NR3C1: variants seen among roughly 807,000 people sequenced by gnomAD.
The protein encoded by NR3C1 is glucocorticoid receptor.
A neutral mutation model predicts 74.0 loss-of-function variants in NR3C1; 14 were observed. The ratio of observed to expected loss-of-function variants is 0.19; its 90% confidence interval spans 0.12 to 0.30. NR3C1 has a LOEUF of 0.30. Among genes scored for constraint, NR3C1 ranks in the 10% least tolerant of loss-of-function variants. The probability of loss-of-function intolerance (pLI) is 1.00; values close to 1 mark genes in which losing one functional copy is unlikely to be tolerated. For synonymous variants in NR3C1, 308 were observed against 332.5 expected (o/e 0.93, Z 0.80); for missense variants, 695 against 909.8 (o/e 0.76, Z 3.04).
chr5:143,351,808 T>A (rs1413079801), intron 2 of NR3C1, among the ~76,000 whole-genome samples: 2 of 152,190 alleles, frequency 1.3e-5, no homozygotes, highest in African/African-American at 2.4e-5. Context: ...ATCCGATGGT[T>A]CCTAATTGAA....
rs963186050 is a variant in NR3C1 at position 143,292,313 on chromosome 5, G to T, written c.2023+3147C>A. ...TTATATGGTGGTAAGGTGTTGGGGA[G>T]GGGGAGGGGAATTGTTTTTTAATCT... On this transcript the variant is annotated intron_variant, in intron 7 of 8. Transcript: ENST00000394464. Among the ~76,000 whole-genome samples, 5 of 152,202 alleles carry T rather than the reference G, an allele frequency of 3.3e-5. No homozygotes were observed. The East Asian group carries it at 9.7e-4, about 29-fold the overall frequency.
At chr5:143,384,899 T>C (rs1347943915) in intron 2 of NR3C1, among the ~76,000 whole-genome samples, 1 of 152,218 alleles carries the variant, frequency 6.6e-6, no homozygotes, top group African/African-American at 2.4e-5. Flanking sequence ...GTGGGGGCTC[T>C]AACCCCATGT....
intron 1 of NR3C1, among the ~76,000 whole-genome samples, chr5:143,425,197 G>T (rs1340117492): frequency 6.6e-6 from 1 of 152,022 alleles, no homozygotes. Context: ...ACATGCAAAA[G>T]AATATTTAAA....
exon 1 of NR3C1, chr5:143,434,609 G>A: frequency 4.1e-6 from 4 of 985,408 alleles, no homozygotes; most frequent in Non-Finnish European, 4.8e-6. Context: ...GAAAATTCCT[G>A]TTATTAAGGT....
intron 1 of NR3C1, 131 bp downstream of exon 1, chr5:143,403,080 G>GCCCCCCCCCCCCAC: frequency 1.3e-6 from 1 of 764,906 alleles, no homozygotes; most frequent in Non-Finnish European, 1.6e-6. Context: ...GCCCTTGCCA[G>GCCCCCCCCCCCCAC]CCCCCCACCC....
chr5:143,290,028 A>G (rs1384496933), intron 7 of NR3C1, among the ~76,000 whole-genome samples: 3 of 152,230 alleles, frequency 2.0e-5, no homozygotes, highest in Non-Finnish European at 2.9e-5. Context: ...TAAGAAAGGT[A>G]TAGTAAAATC....
At chr5:143,311,202 A>G (rs181935733) in intron 3 of NR3C1, among the ~76,000 whole-genome samples, 2 of 152,336 alleles carry the variant, frequency 1.3e-5, no homozygotes, top group Admixed American at 1.3e-4. Context: ...CCTATAAATC[A>G]AAAGTACGAT....
intron 7 of NR3C1, among the ~76,000 whole-genome samples, chr5:143,288,713 T>A (rs1815152770): frequency 6.6e-6 from 1 of 152,068 alleles, no homozygotes; most frequent in African/African-American, 2.4e-5. Context: ...GCTTAAGCGA[T>A]CTGCCTGCCT....
chr5:143,431,744 A>G (rs1751836958), intron 1 of NR3C1, among the ~76,000 whole-genome samples: 1 of 152,202 alleles, frequency 6.6e-6, no homozygotes, highest in Non-Finnish European at 1.5e-5. Context: ...TGACATCAAA[A>G]CTTGCCTGTA....
chr5:143,328,198 C>G (rs774129039), intron 2 of NR3C1, among the ~76,000 whole-genome samples: 34 of 152,250 alleles, frequency 2.2e-4, no homozygotes, highest in Non-Finnish European at 4.0e-4. Flanking sequence ...CCCTCTGAAG[C>G]AATGGTGCGA....
At chr5:143,283,150 A>T (rs192805907) in intron 7 of NR3C1, among the ~76,000 whole-genome samples, 1 of 152,350 alleles carries the variant, frequency 6.6e-6, no homozygotes, top group Admixed American at 6.5e-5. Context: ...CCAGGATTAC[A>T]GGTGTGAGCC....
At chr5:143,433,155 A>G (rs1378344321) in intron 1 of NR3C1, among the ~76,000 whole-genome samples, 3 of 151,954 alleles carry the variant, frequency 2.0e-5, no homozygotes, top group South Asian at 4.1e-4. Context: ...TCTGTTAATG[A>G]TATACCCCAA....
At position 143,373,606 on chromosome 5, in the gene NR3C1, T is replaced by C. The variant is rs190415949; in HGVS notation, c.1184+26050A>G. ...TGCACATGTACCCTAGAACTTAAAGTATAATATAAAAAAAAAAGACTACAT... is the reference window on the plus strand; with the variant it reads ...TGCACATGTACCCTAGAACTTAAAGCATAATATAAAAAAAAAAGACTACAT... On this transcript the variant is annotated intron_variant, in intron 2 of 8. Transcript: ENST00000394464. 4.4e-3 allele frequency among the ~76,000 whole-genome samples: 664 copies of C among 151,298 alleles called. 2 individuals are homozygous for C. Among genetic ancestry groups the C allele is most frequent in the Admixed American group, 0.011 (162 of 15,222 alleles).
chr5:143,298,062 A>T (rs1817693200), intron 6 of NR3C1, among the ~76,000 whole-genome samples: 1 of 152,240 alleles, frequency 6.6e-6, no homozygotes, highest in Non-Finnish European at 1.5e-5. Flanking sequence ...TGAGGAAACA[A>T]CTGCAATGAG....
rs1286020231 is a variant in NR3C1 at position 143,278,824 on chromosome 5, T to G, written c.*3065A>C. 1 of 152,356 alleles carries G rather than the reference T, an allele frequency of 6.6e-6. No individual in the cohort carries two copies. The highest frequency in any genetic ancestry group is 1.5e-5 in the Non-Finnish European group (1 of 68,166). 9.4% of individuals were successfully genotyped at this position (152,356 alleles called of 1,614,324 possible). On this transcript the variant is annotated 3_prime_UTR_variant, in exon 9 of 9. Transcript: ENST00000394464. ...ATTCTGAAGGGAGCGTGGCTTTCCT[T>G]CATGGCATGCCCAGAGCTCATCCCA... is the stretch of plus-strand genomic sequence containing the variant.
chr5:143,382,191 C>T (rs1420865580), intron 2 of NR3C1, among the ~76,000 whole-genome samples: 2 of 152,046 alleles, frequency 1.3e-5, no homozygotes. Context: ...CAGAGAAATG[C>T]AAATCAAAAC....
At chr5:143,313,115 A>C (rs1821328466) in intron 3 of NR3C1, among the ~76,000 whole-genome samples, 1 of 152,236 alleles carries the variant, frequency 6.6e-6, no homozygotes, top group Non-Finnish European at 1.5e-5. Context: ...TTCTTTAAAA[A>C]ATTAATATAA....
exon 1 of NR3C1, chr5:143,434,723 A>G (rs1447664992): frequency 1.0e-6 from 1 of 985,464 alleles, no homozygotes; most frequent in East Asian, 1.1e-4. Flanking sequence ...TCTGTGGCAC[A>G]CAAACTGCAC....
intron 7 of NR3C1, among the ~76,000 whole-genome samples, chr5:143,291,199 C>G (rs1308350882): frequency 2.0e-5 from 3 of 151,898 alleles, no homozygotes; most frequent in Non-Finnish European, 4.4e-5. Context: ...TTTTGTTATT[C>G]TTCAGTCCTT....
Sources: gnomAD v4.1 joint callset for allele counts (sites outside exome capture counted in the v4.1 genomes callset) on GRCh38, gnomAD v4.1.1 for gene constraint, MANE v1.5 for transcripts, NCBI Gene and HGNC (gene_info 2026-07-23, HGNC 2026-07-21) for gene names.